ARHGEF3: variants seen among roughly 807,000 people sequenced by gnomAD.
ARHGEF3 encodes 59.8 kDA protein.
In ARHGEF3, 28 loss-of-function variants were observed where a neutral mutation model predicts 63.2. The ratio of observed to expected loss-of-function variants is 0.44; its 90% CI spans 0.33 to 0.61. The LOEUF (loss-of-function observed/expected upper bound fraction) is 0.61, where lower values mean the gene tolerates loss of function less well. ARHGEF3 is among the 20% of genes least tolerant of loss of function. The pLI, the probability that ARHGEF3 is intolerant of heterozygous loss-of-function variation, is 0.03. For missense variants in ARHGEF3, 533 were observed against 659.3 expected, an observed-to-expected ratio of 0.81 and a Z score of 2.10; for synonymous variants, 266 against 254.2, an observed-to-expected ratio of 1.05 and a Z score of -0.44.
chr3:56,970,932 C>A (rs1354764102), intron 2 of ARHGEF3, among the ~76,000 whole-genome samples: 1 of 152,128 alleles, frequency 6.6e-6, no homozygotes, highest in African/African-American at 2.4e-5. Context: ...CTAACAAGAC[C>A]CCCCTCTCAC....
At chr3:56,786,903 T>TA (rs35623334) in intron 1 of ARHGEF3, among the ~76,000 whole-genome samples, 50,393 of 143,382 alleles carry the variant, frequency 0.35, 9,381 homozygotes, top group Middle Eastern at 0.57. Flanking sequence ...TGGGTTTTGT[T>TA]AAAAAAAAAA....
chr3:56,755,115 T>A lies in ARHGEF3; in HGVS notation c.241A>T (p.Ile81Phe). The A allele has an allele frequency of 5.0e-6, 8 of 1,613,876 alleles. No homozygotes were observed. The highest frequency in any genetic ancestry group is 6.8e-6 in the Non-Finnish European group (8 of 1,180,016). ...ISFRSESRPD[I>F]LAPRPWSRNA... ...CTGGACCAGGGTCGGGGGGCGAGGATGTCAGGGCGGCTCTCACTGCGGAAG... is the reference window on the plus strand; with the variant it reads ...CTGGACCAGGGTCGGGGGGCGAGGAAGTCAGGGCGGCTCTCACTGCGGAAG... The change falls in exon 3 of 10, where the codon ATC becomes TTC. Residue 81 changes from isoleucine to phenylalanine, a missense_variant. Physicochemically the swap from Ile to Phe is conservative, Grantham distance 21. Around this residue, in one of 4 missense-constraint regions of ARHGEF3, gnomAD observed 160 missense variants for 157.3 expected, o/e 1.02. Coordinates refer to ENST00000296315, the MANE Select transcript of ARHGEF3 (RefSeq NM_019555.3).
At chr3:56,797,723 A>G (rs2037444920) in intron 1 of ARHGEF3, among the ~76,000 whole-genome samples, 1 of 152,224 alleles carries the variant, frequency 6.6e-6, no homozygotes, top group African/African-American at 2.4e-5. Flanking sequence ...TCGTGGCAGG[A>G]GCATAGGGTT....
intron 2 of ARHGEF3, among the ~76,000 whole-genome samples, chr3:57,032,984 AGCTAG>A (rs1703794977): frequency 6.6e-6 from 1 of 152,202 alleles, no homozygotes; most frequent in Non-Finnish European, 1.5e-5. Context: ...CAGGAGATGA[AGCTAG>A]GCAACAGAGT....
chr3:56,868,362 T>G (rs2040325155), intron 4 of ARHGEF3, among the ~76,000 whole-genome samples: 1 of 49,510 alleles, frequency 2.0e-5, no homozygotes, highest in Non-Finnish European at 5.6e-5. Context: ...TTTTTGTTTG[T>G]TTTTTTTTTT....
At chr3:56,820,263 T>C (rs956574910) in intron 4 of ARHGEF3, among the ~76,000 whole-genome samples, 7 of 152,226 alleles carry the variant, frequency 4.6e-5, no homozygotes, top group African/African-American at 1.7e-4. Context: ...AGGGAGGTAC[T>C]GTAAGGATGT....
In ARHGEF3 at chr3:56,819,311, C is replaced by G. The variant is rs552171552; in HGVS notation, c.193-45495G>C. On this transcript the variant is annotated intron_variant, in intron 4 of 12. Transcript: ENST00000338458. ...TTGACATTTAAAAAGCTTTGTGTAT[C>G]TTTGAACTCAGGTCCAGAATAGTCC... Among the ~76,000 whole-genome samples, 23 of 152,288 alleles carry G rather than the reference C, an allele frequency of 1.5e-4. 2 individuals are homozygous for G. In the South Asian group the frequency reaches 4.8e-3, roughly 32 times the overall value.
intron 3 of ARHGEF3, among the ~76,000 whole-genome samples, chr3:56,904,983 G>T (rs770094074): frequency 6.6e-6 from 1 of 151,990 alleles, no homozygotes; most frequent in African/African-American, 2.4e-5. Flanking sequence ...TTAATACACC[G>T]AATACTCTGC....
chr3:56,753,563 TCGC>T lies in ARHGEF3; in HGVS notation c.376_378del (p.Ala126del). ...TCTTCTCCTTGGGAAAGCTCAAAGA[TCGC>T]CTGCAAGGAAAGATAAACATATTCA... On this transcript the variant is annotated inframe_deletion and splice_region_variant, in exon 4 of 10. Transcript: ENST00000296315. 1 of 1,613,590 alleles carries T rather than the reference TCGC, an allele frequency of 6.2e-7. No homozygotes were observed. Among genetic ancestry groups the T allele is most frequent in the South Asian group, 1.1e-5 (1 of 91,036 alleles).
chr3:56,876,578 A>G (rs1276402071), intron 4 of ARHGEF3, among the ~76,000 whole-genome samples: 1 of 152,218 alleles, frequency 6.6e-6, no homozygotes, highest in African/African-American at 2.4e-5. Context: ...CAACAACAAT[A>G]CATGGATCTC....
Position 56,858,357 on chromosome 3 carries a change from G to A in ARHGEF3, c.192+23935C>T, listed in dbSNP as rs920592237. Among the ~76,000 whole-genome samples, 7 of 151,414 alleles carry A rather than the reference G, an allele frequency of 4.6e-5. No individual in the cohort carries two copies. In the East Asian group the frequency reaches 1.4e-3, roughly 29 times the overall value. On this transcript the variant is annotated intron_variant, in intron 4 of 12. Coordinates refer to the ARHGEF3 transcript ENST00000338458. ...AGCTGAGTACATTTTTCCAGGTTTT[G>A]TAGGAATTTTAATGGGTTTAAGCCT...
intron 2 of ARHGEF3, among the ~76,000 whole-genome samples, chr3:57,007,530 T>C (rs1268467723): frequency 6.6e-6 from 1 of 152,208 alleles, no homozygotes; most frequent in African/African-American, 2.4e-5. Flanking sequence ...AGGGGATGGA[T>C]GCTTTGACCC....
chr3:57,075,043 A>T (rs955701462), intron 1 of ARHGEF3: 1 of 167,130 alleles, frequency 6.0e-6, no homozygotes, highest in African/African-American at 2.4e-5. Context: ...TTGACTGGCC[A>T]CACTGGGGAG....
intron 4 of ARHGEF3, among the ~76,000 whole-genome samples, chr3:56,831,970 C>T (rs371747954): frequency 1.3e-5 from 2 of 152,138 alleles, no homozygotes; most frequent in African/African-American, 4.8e-5. Context: ...CGTGAGTTAC[C>T]GTGGACTTGA....
At chr3:56,968,043 A>AAC (rs1700674108) in intron 2 of ARHGEF3, among the ~76,000 whole-genome samples, 4 of 4,714 alleles carry the variant, frequency 8.5e-4, no homozygotes, top group Non-Finnish European at 1.1e-3. Flanking sequence ...ATATATATAA[A>AAC]ATATATATAA....
intron 1 of ARHGEF3, chr3:57,073,596 G>T: frequency 6.8e-7 from 1 of 1,470,382 alleles, no homozygotes. Flanking sequence ...AGTGCACTCA[G>T]AGCCAGGTTG....
intron 1 of ARHGEF3, among the ~76,000 whole-genome samples, chr3:56,799,090 A>G (rs2037510535): frequency 6.6e-6 from 1 of 152,248 alleles, no homozygotes. Context: ...AACTACCACA[A>G]ATAAAAAATT....
intron 3 of ARHGEF3, among the ~76,000 whole-genome samples, chr3:56,937,089 A>G (rs1358869296): frequency 6.6e-6 from 1 of 152,220 alleles, no homozygotes; most frequent in African/African-American, 2.4e-5. Flanking sequence ...GAGAATCAAA[A>G]AGGCTTAAGA....
chr3:57,026,621 G>T (rs961516253), intron 2 of ARHGEF3, among the ~76,000 whole-genome samples: 1 of 145,980 alleles, frequency 6.9e-6, no homozygotes, highest in Admixed American at 7.0e-5. Context: ...GGCTGTTTTA[G>T]GTGCCACCAT....
Sources: allele counts gnomAD v4.1 joint callset (sites outside exome capture counted in the v4.1 genomes callset), GRCh38; gene constraint gnomAD v4.1.1; regional missense constraint gnomAD v4.1.1; transcripts MANE v1.5; gene names NCBI Gene and HGNC (gene_info 2026-07-23, HGNC 2026-07-21).